LOC400499: variants seen among roughly 807,000 people sequenced by gnomAD.
the LOC400499 span, among the ~76,000 whole-genome samples, chr16:11,428,580 A>G: frequency 2.0e-5 from 3 of 152,138 alleles, no homozygotes; most frequent in Admixed American, 1.3e-4. Context: ...CGAACAGAGG[A>G]CGCTCTCGTC....
the LOC400499 span, chr16:11,372,602 C>G: frequency 3.0e-6 from 1 of 337,484 alleles, no homozygotes; most frequent in Non-Finnish European, 4.2e-6. Flanking sequence ...ACGTGCGGTT[C>G]TGAGTTTCCC....
chr16:11,494,284 G>A, the LOC400499 span, among the ~76,000 whole-genome samples: 2 of 150,218 alleles, frequency 1.3e-5, no homozygotes, highest in African/African-American at 2.5e-5. Context: ...CCAGCCTGGC[G>A]CCTTCCTGGG....
At chr16:11,462,000 G>C in the LOC400499 span, 4 of 953,728 alleles carry the variant, frequency 4.2e-6, no homozygotes, top group East Asian at 1.2e-4. Flanking sequence ...TCTGCCCTTG[G>C]ATGGGATGTT....
At chr16:11,372,945 C>A in the LOC400499 span, among the ~76,000 whole-genome samples, 1 of 152,226 alleles carries the variant, frequency 6.6e-6, no homozygotes, top group Non-Finnish European at 1.5e-5. Context: ...AGGGCCTTTG[C>A]AGGCAGCGGT....
At chr16:11,473,047 C>G in the LOC400499 span, 3 of 151,880 alleles carry the variant, frequency 2.0e-5, no homozygotes, top group Admixed American at 1.3e-4. Context: ...ACCCGGGAAG[C>G]AGAGGTTGCA....
the LOC400499 span, chr16:11,411,362 A>G: frequency 2.5e-6 from 1 of 399,164 alleles, no homozygotes; most frequent in Non-Finnish European, 4.4e-6. Context: ...TGAAGCTGGC[A>G]AGACAGCACC....
the LOC400499 span, among the ~76,000 whole-genome samples, chr16:11,465,929 A>C: frequency 7.2e-5 from 11 of 152,192 alleles, no homozygotes; most frequent in African/African-American, 2.7e-4. Flanking sequence ...AAAAGAAAAG[A>C]GAAAAAACAT....
chr16:11,448,872 G>GT, the LOC400499 span: 1 of 1,358,718 alleles, frequency 7.4e-7, no homozygotes, highest in Non-Finnish European at 9.7e-7. Context: ...AAACCGAGGT[G>GT]AGGGATTCGG....
chr16:11,458,175 T>C, the LOC400499 span, among the ~76,000 whole-genome samples: 2 of 152,252 alleles, frequency 1.3e-5, no homozygotes, highest in South Asian at 4.2e-4. Context: ...CAAAGCCCCA[T>C]CTCTACTAAA....
chr16:11,484,209 A>G, the LOC400499 span, among the ~76,000 whole-genome samples: 1 of 151,844 alleles, frequency 6.6e-6, no homozygotes, highest in African/African-American at 2.4e-5. Flanking sequence ...GGGTTTCACC[A>G]TGTAAGCCAG....
chr16:11,390,020 T>C, the LOC400499 span: 3 of 869,684 alleles, frequency 3.4e-6, no homozygotes, highest in Non-Finnish European at 4.6e-6. Context: ...CAGGAGTCAG[T>C]GTGTCGGAAG....
chr16:11,483,628 G>A, the LOC400499 span, among the ~76,000 whole-genome samples: 1 of 151,864 alleles, frequency 6.6e-6, no homozygotes, highest in African/African-American at 2.4e-5. Context: ...CACTTTGAGA[G>A]GCCAAGGCAG....
chr16:11,382,605 G>A, the LOC400499 span, among the ~76,000 whole-genome samples: 1 of 151,948 alleles, frequency 6.6e-6, no homozygotes, highest in Middle Eastern at 3.2e-3. Context: ...TGAGAGCAGA[G>A]AGAAAACAGG....
chr16:11,450,014 C>T, the LOC400499 span, among the ~76,000 whole-genome samples: 65,853 of 152,094 alleles, frequency 0.43, 16,275 homozygotes, highest in Non-Finnish European at 0.57. Flanking sequence ...TCCTCATGGT[C>T]CCTAAGATTA....
At chr16:11,495,721 G>A in the LOC400499 span, among the ~76,000 whole-genome samples, 1 of 152,204 alleles carries the variant, frequency 6.6e-6, no homozygotes, top group Non-Finnish European at 1.5e-5. Flanking sequence ...TTCACTACAA[G>A]CCAGACTGCT....
chr16:11,425,480 A>G, the LOC400499 span: 17 of 399,086 alleles, frequency 4.3e-5, no homozygotes, highest in South Asian at 2.2e-3. Context: ...GCTCAGGGAA[A>G]TGAGCTGCTT....
the LOC400499 span, chr16:11,446,771 C>G: frequency 6.5e-7 from 1 of 1,535,912 alleles, no homozygotes; most frequent in Non-Finnish European, 8.7e-7. Context: ...GCCTGGCAGC[C>G]CAGGACCATG....
the LOC400499 span, chr16:11,502,328 G>A: frequency 3.8e-5 from 15 of 395,514 alleles, no homozygotes; most frequent in Non-Finnish European, 5.8e-5. Flanking sequence ...GACCCAGTGA[G>A]ATGAAGCTCC....
At chr16:11,375,770 C>A in the LOC400499 span, among the ~76,000 whole-genome samples, 1 of 133,012 alleles carries the variant, frequency 7.5e-6, no homozygotes, top group Non-Finnish European at 1.6e-5. Context: ...GCTCTTGTTG[C>A]CCAGGCTGGA....
Sources: allele counts gnomAD v4.1 joint callset (sites outside exome capture counted in the v4.1 genomes callset), GRCh38; gene constraint gnomAD v4.1.1; transcripts MANE v1.5.